The following IFRD1 variants were observed in gnomAD, a reference collection of about 807,000 sequenced individuals.
IFRD1 encodes interferon related developmental regulator 1.
IFRD1 carries 35 observed loss-of-function variants against 52.9 expected under a neutral mutation model. The ratio of observed to expected loss-of-function variants is 0.66; its 90% CI spans 0.51 to 0.88. IFRD1 has a LOEUF of 0.88. Among genes scored for constraint, IFRD1 ranks in the 40% least tolerant of loss-of-function variants. IFRD1 has a pLI of 0.00. For missense variants in IFRD1, 517 were observed against 550.8 expected, an observed-to-expected ratio of 0.94 and a Z score of 0.61; for synonymous variants, 184 against 188.4, an observed-to-expected ratio of 0.98 and a Z score of 0.19.
At chr7:112,451,020 G>A in intron 1 of IFRD1, 3 of 558,174 alleles carry the variant, frequency 5.4e-6, no homozygotes, top group Non-Finnish European at 9.7e-6. Context: ...AGGGAGGAAC[G>A]GGTCCTTGGG....
chr7:112,452,430 G>A (rs779449728), intron 1 of IFRD1: 4 of 980,760 alleles, frequency 4.1e-6, no homozygotes, highest in Non-Finnish European at 3.6e-6. Context: ...ATGCTGGGAC[G>A]GTGCCTGGTC....
At chr7:112,470,186 C>G (rs1459846620) in intron 9 of IFRD1, among the ~76,000 whole-genome samples, 4 of 152,154 alleles carry the variant, frequency 2.6e-5, no homozygotes, top group African/African-American at 2.4e-5. Flanking sequence ...CATTATACCT[C>G]TTAAGCAATA....
At position 112,472,188 on chromosome 7, in the gene IFRD1, C is replaced by T. The variant is rs374439410; in HGVS notation, c.1042-31C>T. 33 of 1,612,822 alleles carry T rather than the reference C, an allele frequency of 2.0e-5. No homozygotes were observed. The African/African-American group carries it at 4.3e-4, about 21-fold the overall frequency. ...AGATCCCTCTGAGCCATTTTAGTGC[C>T]TGTGGTAATTTTGGTTCTTCCATTG... On this transcript the variant is annotated intron_variant, in intron 9 of 11. Transcript: ENST00000403825.
At chr7:112,463,841 TACAC>T (rs1199282868) in intron 8 of IFRD1, among the ~76,000 whole-genome samples, 1 of 137,020 alleles carries the variant, frequency 7.3e-6, no homozygotes, top group Admixed American at 7.8e-5. Flanking sequence ...TACATATATA[TACAC>T]ATTTATATAC....
intron 1 of IFRD1, among the ~76,000 whole-genome samples, chr7:112,439,723 C>G (rs1183530845): frequency 6.6e-6 from 1 of 152,188 alleles, no homozygotes; most frequent in East Asian, 1.9e-4. Flanking sequence ...AAGCCCTCAA[C>G]TCTTACACCT....
At chr7:112,426,862 C>A (rs1012914605) in intron 1 of IFRD1, among the ~76,000 whole-genome samples, 1 of 152,184 alleles carries the variant, frequency 6.6e-6, no homozygotes, top group Non-Finnish European at 1.5e-5. Flanking sequence ...CTCTTCCAAC[C>A]AAATGCCAAT....
chr7:112,474,762 G>A (rs1207643902), intron 11 of IFRD1, among the ~76,000 whole-genome samples: 4 of 152,034 alleles, frequency 2.6e-5, no homozygotes, highest in Non-Finnish European at 4.4e-5. Context: ...TATTAAAATG[G>A]CACTTCATCA....
intron 11 of IFRD1, among the ~76,000 whole-genome samples, 169 bp downstream of exon 11, chr7:112,473,030 G>A (rs985418499): frequency 3.4e-4 from 14 of 40,920 alleles, no homozygotes; most frequent in Admixed American, 6.8e-4. Flanking sequence ...TGTGGGGGGC[G>A]TGTGTGTGTG....
In IFRD1 at chr7:112,427,493, T is replaced by C. The variant is rs190667061; in HGVS notation, c.-182+4061T>C. ...TTTTCATCATTCTATTTTGTGGTCT[T>C]TTTGTCTCAGTAGCTTAGCAATTAC... On this transcript the variant is annotated intron_variant, in intron 1 of 12. Coordinates refer to the IFRD1 transcript ENST00000005558. 3.6e-3 allele frequency among the ~76,000 whole-genome samples: 542 copies of C among 152,334 alleles called. 5 individuals carry two copies. Among genetic ancestry groups the C allele is most frequent in the African/African-American group, 0.013 (522 of 41,574 alleles).
chr7:112,472,282 G>T lies in IFRD1; in HGVS notation c.1105G>T (p.Val369Leu), dbSNP rs749103619. Residue 369 changes from valine to leucine, a missense_variant, in exon 10 of 12, where the codon GTA becomes TTA. Coordinates refer to ENST00000403825, the MANE Select transcript of IFRD1 (RefSeq NM_001550.4). ...GPERMYIDCWVKKHTYDTFKE... is the reference protein window; with the variant it reads ...GPERMYIDCWLKKHTYDTFKE... ...TGAACGCATGTATATTGATTGCTGG[G>T]TAAAAAAACACACCTATGACACCTT... The T allele has an allele frequency of 6.8e-6, 11 of 1,613,756 alleles. No homozygotes were observed. Among genetic ancestry groups the T allele is most frequent in the Non-Finnish European group, 4.2e-6 (5 of 1,179,860 alleles).
chr7:112,424,901 A>G (rs1016562680), intron 1 of IFRD1, among the ~76,000 whole-genome samples: 2 of 152,108 alleles, frequency 1.3e-5, no homozygotes, highest in African/African-American at 4.8e-5. Context: ...GAATTTATTG[A>G]TATTTGTCCT....
intron 1 of IFRD1, among the ~76,000 whole-genome samples, chr7:112,452,802 T>C (rs6966318): frequency 0.74 from 112,156 of 152,098 alleles, 41,581 homozygotes; most frequent in East Asian, 0.8. Context: ...ATCCATTTCA[T>C]CACTGAATTT....
intron 1 of IFRD1, among the ~76,000 whole-genome samples, chr7:112,430,240 A>C (rs766105208): frequency 2.0e-5 from 3 of 152,222 alleles, no homozygotes; most frequent in Non-Finnish European, 4.4e-5. Flanking sequence ...CTTTTTTAGG[A>C]AAATGCTGTT....
chr7:112,463,887 CA>C (rs1795536992), intron 8 of IFRD1, among the ~76,000 whole-genome samples: 12 of 18,950 alleles, frequency 6.3e-4, no homozygotes, highest in African/African-American at 4.4e-3. Flanking sequence ...CACACACACA[CA>C]CACACACCCC....
upstream of IFRD1, among the ~76,000 whole-genome samples, chr7:112,449,853 T>C (rs569103935): frequency 7.4e-6 from 1 of 135,612 alleles, no homozygotes; most frequent in South Asian, 2.3e-4. Flanking sequence ...GGGGGGCACA[T>C]AACCCTGAAC....
chr7:112,445,086 A>G (rs1474814367), intron 1 of IFRD1, among the ~76,000 whole-genome samples: 4 of 94,544 alleles, frequency 4.2e-5, no homozygotes, highest in East Asian at 3.1e-4. Context: ...TTTTTTTTTG[A>G]AACAGGGTCT....
chr7:112,457,024 G>T lies in IFRD1; in HGVS notation c.395G>T (p.Arg132Leu), dbSNP rs759032177. 1 of 1,613,466 alleles carries T rather than the reference G, an allele frequency of 6.2e-7. No individual in the cohort carries two copies. The highest frequency in any genetic ancestry group is 1.1e-5 in the South Asian group (1 of 91,068). ...RRMTLTDSIERCLKKGKSDEQ... is the reference protein window; with the variant it reads ...RRMTLTDSIELCLKKGKSDEQ... The stretch of plus-strand genomic sequence containing the variant: ...ATGACTTTAACTGATAGCATTGAAC[G>T]CTGCCTGAAAAAAGGTAATGCCCTT... Residue 132 changes from arginine to leucine, a missense_variant, in exon 4 of 12, where the codon CGC becomes CTC. By Grantham distance (102) the Arg-to-Leu change is moderately radical. Transcript: ENST00000403825.
intron 4 of IFRD1, chr7:112,457,241 C>T (rs60461435): frequency 0.38 from 234,284 of 613,406 alleles, 49,738 homozygotes; most frequent in Non-Finnish European, 0.46. Flanking sequence ...AAAAAAATAG[C>T]TTGAAACTAA....
chr7:112,450,374 T>G, upstream of IFRD1: 20 of 401,340 alleles, frequency 5.0e-5, no homozygotes, highest in Non-Finnish European at 6.6e-5. Flanking sequence ...TGTGCAGGGA[T>G]TGGTTGGGAA....
Sources: gnomAD v4.1 joint callset for allele counts (sites outside exome capture counted in the v4.1 genomes callset) on GRCh38, gnomAD v4.1.1 for gene constraint, MANE v1.5 for transcripts, NCBI Gene and HGNC (gene_info 2026-07-23, HGNC 2026-07-21) for gene names.